The following DGKH variants were observed in gnomAD, a reference collection of about 807,000 sequenced individuals.
DGKH encodes the protein diacylglycerol kinase eta.
Under a neutral mutation model 159.3 loss-of-function variants are expected in DGKH, and 90 were observed. The observed-to-expected ratio is 0.57, with a 90% CI of 0.48 to 0.67. DGKH has a LOEUF of 0.67. Among genes scored for constraint, DGKH ranks in the 30% least tolerant of loss-of-function variants. The pLI is 0.00. For missense variants in DGKH, 1,181 were observed against 1,506.1 expected (o/e 0.78, Z 3.57); for synonymous variants, 536 against 553.8 (o/e 0.97, Z 0.45).
intron 1 of DGKH, among the ~76,000 whole-genome samples, chr13:42,062,576 G>T (rs529943056): frequency 2.8e-4 from 42 of 152,322 alleles, no homozygotes; most frequent in African/African-American, 9.6e-4. Context: ...GGGAACCAAA[G>T]AAATATGTTC....
chr13:42,229,359 T>A lies in DGKH; in HGVS notation c.*171T>A, dbSNP rs1190928137. On this transcript the variant is annotated 3_prime_UTR_variant, in exon 30 of 30. Coordinates refer to ENST00000337343, the MANE Select transcript of DGKH (RefSeq NM_178009.5). ...AATTTTGATTTGAGGTATTAGAAAATATTTTTGTGCCGAACAATACATTCC... is the reference window on the plus strand; with the variant it reads ...AATTTTGATTTGAGGTATTAGAAAAAATTTTTGTGCCGAACAATACATTCC... The A allele has an allele frequency of 8.7e-6, 5 of 577,688 alleles. No individual in the cohort carries two copies. The highest frequency in any genetic ancestry group is 1.5e-5 in the Non-Finnish European group (5 of 339,534). 35.8% of individuals were successfully genotyped at this position (577,688 alleles called of 1,614,324 possible). A position where few individuals can be genotyped will look rare whatever the true frequency, so the allele number is the denominator to read the frequency against.
intron 3 of DGKH, among the ~76,000 whole-genome samples, chr13:42,152,877 T>G (rs1434114750): frequency 6.6e-6 from 1 of 152,088 alleles, no homozygotes; most frequent in Non-Finnish European, 1.5e-5. Context: ...GGGGAGCACA[T>G]GGGCCAGCAG....
At chr13:42,103,826 G>T (rs1176267865) in intron 1 of DGKH, among the ~76,000 whole-genome samples, 2 of 152,174 alleles carry the variant, frequency 1.3e-5, no homozygotes, top group African/African-American at 4.8e-5. Context: ...CCAAATCAGG[G>T]TTCGGTTAGG....
chr13:42,150,768 G>T (rs568856781), intron 3 of DGKH, among the ~76,000 whole-genome samples: 1 of 152,134 alleles, frequency 6.6e-6, no homozygotes, highest in East Asian at 1.9e-4. Flanking sequence ...TTTTTTATGG[G>T]TGTGGTAGGC....
At chr13:42,255,000 CTAAT>C (rs1406922242) in intron 30 of DGKH, among the ~76,000 whole-genome samples, 1 of 151,718 alleles carries the variant, frequency 6.6e-6, no homozygotes, top group Non-Finnish European at 1.5e-5. Context: ...TTTATATTGA[CTAAT>C]TGTTGAAAAT....
intron 1 of DGKH, among the ~76,000 whole-genome samples, chr13:42,063,389 A>G (rs1882324018): frequency 6.6e-6 from 1 of 152,238 alleles, no homozygotes; most frequent in Non-Finnish European, 1.5e-5. Context: ...GGGGAGCAGT[A>G]GAGAGGTTGC....
chr13:42,142,658 A>G (rs1012942713), intron 3 of DGKH, among the ~76,000 whole-genome samples: 1 of 152,182 alleles, frequency 6.6e-6, no homozygotes, highest in East Asian at 1.9e-4. Context: ...TTTTGAAGCA[A>G]TTGTGAATGG....
intron 1 of DGKH, among the ~76,000 whole-genome samples, chr13:42,110,587 A>ATCATTCATTCATTCATTCATTCATTCAT (rs140415925): frequency 0.017 from 2,575 of 150,982 alleles, 29 homozygotes; most frequent in African/African-American, 0.031. Context: ...TTGAAGGATA[A>ATCATTCATTCATTCATTCATTCATTCAT]TCATTCATTC....
chr13:42,224,723 T>C (rs1367991930), intron 29 of DGKH, among the ~76,000 whole-genome samples: 5 of 152,124 alleles, frequency 3.3e-5, no homozygotes, highest in Non-Finnish European at 7.4e-5. Flanking sequence ...CTTATTTCAG[T>C]TGCTTAAAAA....
intron 1 of DGKH, among the ~76,000 whole-genome samples, chr13:42,121,881 A>G (rs1210519355): frequency 6.6e-6 from 1 of 152,218 alleles, no homozygotes; most frequent in African/African-American, 2.4e-5. Flanking sequence ...TGTGTGATGA[A>G]TGAAGAGTAC....
At chr13:42,228,383 CTAATT>C (rs924874961) in intron 29 of DGKH, among the ~76,000 whole-genome samples, 22 of 152,298 alleles carry the variant, frequency 1.4e-4, no homozygotes, top group African/African-American at 5.1e-4. Flanking sequence ...AGTATAAAGA[CTAATT>C]AAATTAAATA....
chr13:42,059,280 C>T (rs967926419), intron 1 of DGKH, among the ~76,000 whole-genome samples: 20 of 151,186 alleles, frequency 1.3e-4, no homozygotes, highest in African/African-American at 4.1e-4. Context: ...GACGGAGTCT[C>T]GCTCTGTTGC....
At chr13:42,192,336 A>C (rs1957093990) in intron 16 of DGKH, among the ~76,000 whole-genome samples, 1 of 152,216 alleles carries the variant, frequency 6.6e-6, no homozygotes, top group Admixed American at 6.5e-5. Context: ...TAATTGTTAG[A>C]AAGTCATTCT....
At chr13:42,088,321 A>G (rs927205962) in intron 1 of DGKH, among the ~76,000 whole-genome samples, 2 of 152,192 alleles carry the variant, frequency 1.3e-5, no homozygotes, top group Non-Finnish European at 2.9e-5. Context: ...TTGCAAGTTC[A>G]GAGAGGAATG....
chr13:42,151,678 C>T (rs763760605), intron 3 of DGKH, among the ~76,000 whole-genome samples: 9 of 150,650 alleles, frequency 6.0e-5, no homozygotes, highest in Admixed American at 1.3e-4. Flanking sequence ...TTTCTTTATG[C>T]AATCATCTGT....
intron 1 of DGKH, among the ~76,000 whole-genome samples, chr13:42,111,736 G>C (rs1292009121): frequency 1.3e-5 from 2 of 152,100 alleles, no homozygotes; most frequent in African/African-American, 4.8e-5. Context: ...CACTAGACAG[G>C]GGGAAGCTTG....
intron 1 of DGKH, among the ~76,000 whole-genome samples, chr13:42,065,564 A>G (rs1339534732): frequency 6.6e-6 from 1 of 152,200 alleles, no homozygotes. Flanking sequence ...ACTTTATGGC[A>G]TTGCCTTAAG....
At position 42,115,166 on chromosome 13, in the gene DGKH, C is replaced by T. The variant is rs533759435; in HGVS notation, c.193-12297C>T. Among the ~76,000 whole-genome samples the T allele has an allele frequency of 5.9e-5, 9 of 152,320 alleles. No individual in the cohort carries two copies. In the South Asian group the frequency reaches 1.9e-3, roughly 32 times the overall value. On this transcript the variant is annotated intron_variant, in intron 1 of 29. Coordinates refer to ENST00000337343, the MANE Select transcript of DGKH (RefSeq NM_178009.5). ...TCAGGTCTATTTTTGTTTTATGCTT[C>T]CTGCCAGTATAGTGACTTGCTGGAA...
chr13:42,067,318 A>G lies in DGKH; in HGVS notation c.192+18353A>G, dbSNP rs148973449. Among the ~76,000 whole-genome samples, 358 of 152,296 alleles carry G rather than the reference A, an allele frequency of 2.4e-3. 3 individuals carry two copies. Among genetic ancestry groups the G allele is most frequent in the African/African-American group, 8.3e-3 (347 of 41,566 alleles). On this transcript the variant is annotated intron_variant, in intron 1 of 29. Transcript: ENST00000337343. ...AAATCCATCAGTTTAGAACCTATCA[A>G]ATGAGAATAGTATATCAAATCAGAA...
Sources: gnomAD v4.1 joint callset for allele counts (sites outside exome capture counted in the v4.1 genomes callset) on GRCh38, gnomAD v4.1.1 for gene constraint, MANE v1.5 for transcripts, NCBI Gene and HGNC (gene_info 2026-07-23, HGNC 2026-07-21) for gene names.